DPP10: variants seen among roughly 807,000 people sequenced by gnomAD.
DPP10 encodes the protein inactive dipeptidyl peptidase 10.
A neutral mutation model predicts 120.9 loss-of-function variants in DPP10; 33 were observed. The ratio of observed to expected loss-of-function variants is 0.27; its 90% CI spans 0.21 to 0.37. The LOEUF is 0.37. DPP10 is among the 10% of genes least tolerant of loss of function. DPP10 has a pLI of 1.00. For missense variants in DPP10, 816 were observed against 942.8 expected (o/e 0.87, Z 1.76); for synonymous variants, 337 against 326.1 (o/e 1.03, Z -0.36).
chr2:115,821,171 A>G (rs912708594), intron 21 of DPP10, among the ~76,000 whole-genome samples: 1 of 152,126 alleles, frequency 6.6e-6, no homozygotes, highest in Non-Finnish European at 1.5e-5. Flanking sequence ...ATAAACATTG[A>G]TTTTCACTAT....
chr2:114,955,007 T>C (rs1698094488), intron 1 of DPP10, among the ~76,000 whole-genome samples: 1 of 152,204 alleles, frequency 6.6e-6, no homozygotes, highest in Admixed American at 6.5e-5. Context: ...CAAATGGCTT[T>C]GTTACAGGAA....
rs1341728540 is a variant in DPP10, at chr2:115,780,948, A to C, written c.1436A>C (p.Asp479Ala). 6.2e-7 allele frequency: 1 copy of C among 1,603,136 alleles called. No individual in the cohort carries two copies. Among genetic ancestry groups the C allele is most frequent in the African/African-American group, 1.3e-5 (1 of 74,700 alleles). ...ATGAAAGAACAATGTACATATTTTG[A>C]TGCCAGTTTTAGTCCCATGAATCAA... is the stretch of plus-strand genomic sequence containing the variant. Reference protein sequence around the residue: ...NFMKEQCTYFDASFSPMNQHF... With the variant: ...NFMKEQCTYFAASFSPMNQHF... Residue 479 changes from aspartate to alanine, a missense_variant, in exon 16 of 26, where the codon GAT becomes GCT. By Grantham distance (126) the Asp-to-Ala change is moderately radical (BLOSUM62 -2). Coordinates refer to ENST00000410059, the MANE Select transcript of DPP10 (RefSeq NM_020868.6).
At chr2:114,542,533 A>C (rs1418544599) in intron 1 of DPP10, among the ~76,000 whole-genome samples, 1 of 152,160 alleles carries the variant, frequency 6.6e-6, no homozygotes, top group Non-Finnish European at 1.5e-5. Context: ...CATCCTCTGT[A>C]TCCCTAAGGA....
chr2:115,836,087 TTGTGTGTG>T (rs1689461393), intron 21 of DPP10, 62 bp from the exon 22 acceptor site: 1 of 796,868 alleles, frequency 1.3e-6, no homozygotes. Flanking sequence ...ATATATAAAT[TTGTGTGTG>T]TGTATGTGTG....
intron 1 of DPP10, among the ~76,000 whole-genome samples, chr2:114,605,957 T>C (rs920198458): frequency 6.6e-6 from 1 of 152,132 alleles, no homozygotes; most frequent in African/African-American, 2.4e-5. Context: ...GTGGGTAACT[T>C]GCCTGTTTGG....
At position 114,731,527 on chromosome 2, in the gene DPP10, C is replaced by T. The variant is rs77200247; in HGVS notation, c.60+288689C>T. 3.5e-3 allele frequency among the ~76,000 whole-genome samples: 533 copies of T among 152,182 alleles called. 4 individuals are homozygous for T. The highest frequency in any genetic ancestry group is 0.012 in the African/African-American group (514 of 41,530). ...CTTTGTTCTGGTGGAAAACCTGATG[C>T]CTAAGTGTCCAACGTGTGACCAGAT... is the stretch of plus-strand genomic sequence containing the variant. On this transcript the variant is annotated intron_variant, in intron 1 of 25. Coordinates refer to ENST00000410059, the MANE Select transcript of DPP10 (RefSeq NM_020868.6).
intron 8 of DPP10, among the ~76,000 whole-genome samples, chr2:115,738,547 G>C (rs1317360774): frequency 2.0e-5 from 3 of 152,070 alleles, no homozygotes; most frequent in Non-Finnish European, 2.9e-5. Context: ...ATTGTCACTT[G>C]TATTGAAAAA....
At chr2:114,916,888 A>G (rs573165458) in intron 1 of DPP10, among the ~76,000 whole-genome samples, 3 of 152,310 alleles carry the variant, frequency 2.0e-5, no homozygotes, top group Non-Finnish European at 4.4e-5. Flanking sequence ...AGTTGGAAGC[A>G]TTCCCCTGGA....
At chr2:115,305,988 A>G (rs930269293) in intron 1 of DPP10, among the ~76,000 whole-genome samples, 2 of 151,996 alleles carry the variant, frequency 1.3e-5, no homozygotes, top group African/African-American at 4.8e-5. Context: ...CTTAGTGTAA[A>G]CTTTCTTATC....
chr2:114,476,577 C>T (rs1415535392), intron 1 of DPP10, among the ~76,000 whole-genome samples: 5 of 152,158 alleles, frequency 3.3e-5, no homozygotes, highest in Non-Finnish European at 7.4e-5. Context: ...TCTAGTAAAA[C>T]ACACTATAAA....
chr2:114,603,942 T>C (rs866378646), intron 1 of DPP10, among the ~76,000 whole-genome samples: 1 of 152,008 alleles, frequency 6.6e-6, no homozygotes, highest in Non-Finnish European at 1.5e-5. Flanking sequence ...AGCAAAAATA[T>C]AGAAAGCAGA....
intron 3 of DPP10, among the ~76,000 whole-genome samples, chr2:115,497,349 C>G (rs1370090872): frequency 1.3e-5 from 2 of 151,860 alleles, no homozygotes; most frequent in East Asian, 3.9e-4. Flanking sequence ...TGGCCAATAC[C>G]CAAGAATGAG....
intron 3 of DPP10, among the ~76,000 whole-genome samples, chr2:115,380,381 C>T (rs1574632609): frequency 1.3e-5 from 2 of 151,986 alleles, no homozygotes; most frequent in African/African-American, 2.4e-5. Flanking sequence ...CAGCCCCTGC[C>T]TTTTTTTGTT....
In DPP10 at chr2:115,777,851, G is replaced by C. The variant is rs770468190; in HGVS notation, c.1361+17G>C. ...GCTGTACAGGTAAGCAGTGTGCAAG[G>C]ATCTCCTTACACAGATTGGCTTCTC... On this transcript the variant is annotated intron_variant, in intron 15 of 25. Coordinates refer to ENST00000410059, the MANE Select transcript of DPP10 (RefSeq NM_020868.6). 6.2e-7 allele frequency: 1 copy of C among 1,612,658 alleles called. No homozygotes were observed.
intron 1 of DPP10, among the ~76,000 whole-genome samples, chr2:114,758,608 T>C (rs1398980250): frequency 6.6e-6 from 1 of 152,212 alleles, no homozygotes; most frequent in East Asian, 1.9e-4. Flanking sequence ...CAGTCTTTAA[T>C]GCTAAGAAGA....
intron 2 of DPP10, among the ~76,000 whole-genome samples, chr2:115,320,851 C>T (rs1032965357): frequency 6.6e-6 from 1 of 151,978 alleles, no homozygotes; most frequent in African/African-American, 2.4e-5. Context: ...TATATTTTTC[C>T]ACTTCATGCT....
At chr2:114,448,223 T>A (rs1271797911) in intron 1 of DPP10, among the ~76,000 whole-genome samples, 2 of 152,242 alleles carry the variant, frequency 1.3e-5, no homozygotes, top group African/African-American at 4.8e-5. Flanking sequence ...AGTGTTTGAA[T>A]GTCAACTTTT....
intron 3 of DPP10, among the ~76,000 whole-genome samples, chr2:115,461,793 A>C (rs2074001287): frequency 6.6e-6 from 1 of 152,152 alleles, no homozygotes; most frequent in Admixed American, 6.6e-5. Context: ...AATATATATT[A>C]ATGCAGTTAC....
chr2:115,677,337 T>G (rs1455663105), intron 5 of DPP10, among the ~76,000 whole-genome samples: 1 of 152,150 alleles, frequency 6.6e-6, no homozygotes, highest in East Asian at 1.9e-4. Context: ...ACTGCAAAGA[T>G]AAGCAATAAG....
Sources: gnomAD v4.1 joint callset for allele counts (sites outside exome capture counted in the v4.1 genomes callset) on GRCh38, gnomAD v4.1.1 for gene constraint, MANE v1.5 for transcripts, NCBI Gene and HGNC (gene_info 2026-07-23, HGNC 2026-07-21) for gene names.